MFHAS1: variants seen among roughly 807,000 people sequenced by gnomAD.
MFHAS1 encodes malignant fibrous histiocytoma-amplified sequence 1.
MFHAS1 carries 50 observed loss-of-function variants against 70.4 expected under a neutral mutation model. The observed-to-expected ratio is 0.71, with a 90% CI of 0.57 to 0.90. MFHAS1 has a LOEUF of 0.90. Among genes scored for constraint, MFHAS1 ranks in the 40% least tolerant of loss-of-function variants. The pLI is 0.00. For missense variants in MFHAS1, 1,795 were observed against 1,347.6 expected (o/e 1.33, Z -5.20); for synonymous variants, 952 against 620.0 (o/e 1.54, Z -7.96).
chr8:8,863,569 T>C (rs1808744904), intron 1 of MFHAS1, among the ~76,000 whole-genome samples: 1 of 152,252 alleles, frequency 6.6e-6, no homozygotes, highest in Admixed American at 6.5e-5. Context: ...CCGTGGTCTC[T>C]AGTCCTTAGA....
At chr8:8,849,499 G>A (rs1808161790) in intron 1 of MFHAS1, among the ~76,000 whole-genome samples, 1 of 152,196 alleles carries the variant, frequency 6.6e-6, no homozygotes, top group Non-Finnish European at 1.5e-5. Context: ...ACTTACACGT[G>A]TGTGTATTCT....
chr8:8,867,662 A>C (rs1377770634), intron 1 of MFHAS1, among the ~76,000 whole-genome samples: 1 of 151,098 alleles, frequency 6.6e-6, no homozygotes, highest in African/African-American at 2.4e-5. Context: ...GGTTCATGCC[A>C]TTCTCCTGCC....
rs935471094 is a variant in MFHAS1, at chr8:8,847,203, C to G, written c.2998+42858G>C. Among the ~76,000 whole-genome samples, 10 of 152,172 alleles carry G rather than the reference C, an allele frequency of 6.6e-5. No homozygotes were observed. The South Asian group carries it at 1.7e-3, about 25-fold the overall frequency. On this transcript the variant is annotated intron_variant, in intron 1 of 2. Coordinates refer to ENST00000276282, the MANE Select transcript of MFHAS1 (RefSeq NM_004225.3). ...ATTTTTTGTTTTTTTTCTTTTGAGACAGAGTTTTGCTCTTGTCATCCAGGC... is the reference window on the plus strand; with the variant it reads ...ATTTTTTGTTTTTTTTCTTTTGAGAGAGAGTTTTGCTCTTGTCATCCAGGC...
At chr8:8,824,502 C>A (rs1807080331) in intron 1 of MFHAS1, among the ~76,000 whole-genome samples, 2 of 137,750 alleles carry the variant, frequency 1.5e-5, no homozygotes, top group African/African-American at 5.4e-5. Flanking sequence ...CAATGAAAGT[C>A]TTTCTCTTTC....
At chr8:8,864,206 A>G (rs552725694) in intron 1 of MFHAS1, among the ~76,000 whole-genome samples, 4 of 152,214 alleles carry the variant, frequency 2.6e-5, no homozygotes, top group Non-Finnish European at 5.9e-5. Context: ...AGCAGGACCT[A>G]AACCAAATCT....
chr8:8,850,693 C>T (rs185110402), intron 1 of MFHAS1, among the ~76,000 whole-genome samples: 7 of 151,930 alleles, frequency 4.6e-5, no homozygotes, highest in Admixed American at 3.3e-4. Context: ...AAATTAGCCT[C>T]GCTTGGTGGC....
rs750109532 is a variant in MFHAS1 at position 8,891,769 on chromosome 8, G to A, written c.1290C>T (p.Thr430=). The A allele has an allele frequency of 2.5e-6, 4 of 1,613,196 alleles. No homozygotes were observed. In the African/African-American group the frequency reaches 4.0e-5, roughly 16 times the overall value. Residue 430 remains threonine (T), a synonymous_variant, in exon 1 of 3, where the codon ACC becomes ACT. Coordinates refer to ENST00000276282, the MANE Select transcript of MFHAS1 (RefSeq NM_004225.3). The surrounding 1 kb of genome is among the most constrained non-coding windows in gnomAD (Gnocchi z 5.4). The part of the protein sequence containing the change: ...AGKTLLRHCL[T]EERVEGCPGG... The stretch of plus-strand genomic sequence containing the variant: ...CTGGGCATCCCTCCACTCTCTCCTC[G>A]GTGAGGCAGTGGCGCAGCAAAGTCT...
chr8:8,892,330 G>C lies in MFHAS1; in HGVS notation c.729C>G (p.Pro243=). The change falls in exon 1 of 3, where the codon CCC becomes CCG. Residue 243 remains proline (P), a synonymous_variant. Transcript: ENST00000276282. The surrounding 1 kb of genome is among the most constrained non-coding windows in gnomAD (Gnocchi z 4.7). ...WLSGAELGTL[P]AGFCELASLE... ...AACTGGCCAGCTCGCAGAAGCCGGC[G>C]GGCAGCGTGCCAAGCTCGGCCCCAC... 1 of 1,612,122 alleles carries C rather than the reference G, an allele frequency of 6.2e-7. No homozygotes were observed. Among genetic ancestry groups the C allele is most frequent in the Non-Finnish European group, 8.5e-7 (1 of 1,180,000 alleles).
intron 1 of MFHAS1, among the ~76,000 whole-genome samples, chr8:8,819,500 G>T (rs1447034004): frequency 6.6e-6 from 1 of 151,726 alleles, no homozygotes; most frequent in Non-Finnish European, 1.5e-5. Flanking sequence ...AGCTACTCGG[G>T]AGGCTGAGGC....
intron 1 of MFHAS1, among the ~76,000 whole-genome samples, chr8:8,879,405 G>T (rs60965369): frequency 0.12 from 18,641 of 152,112 alleles, 1,410 homozygotes; most frequent in East Asian, 0.22. Context: ...CCTTGGAAAG[G>T]CTGATTCGTT....
chr8:8,787,642 A>G (rs1250175669), intron 2 of MFHAS1, among the ~76,000 whole-genome samples: 1 of 152,244 alleles, frequency 6.6e-6, no homozygotes, highest in African/African-American at 2.4e-5. Flanking sequence ...AACTAATAAT[A>G]TAATCAATCT....
chr8:8,820,009 T>G (rs1388650464), intron 1 of MFHAS1, among the ~76,000 whole-genome samples: 1 of 152,146 alleles, frequency 6.6e-6, no homozygotes, highest in Non-Finnish European at 1.5e-5. Context: ...ATACAGACTA[T>G]CTATGAAACA....
chr8:8,787,127 C>T (rs541389130), intron 2 of MFHAS1, among the ~76,000 whole-genome samples: 3 of 150,720 alleles, frequency 2.0e-5, no homozygotes, highest in Non-Finnish European at 4.4e-5. Flanking sequence ...GTTGCCCAGG[C>T]TGGAGTGCAG....
At chr8:8,825,097 G>C (rs533252423) in intron 1 of MFHAS1, among the ~76,000 whole-genome samples, 4 of 152,318 alleles carry the variant, frequency 2.6e-5, no homozygotes, top group Non-Finnish European at 5.9e-5. Flanking sequence ...AAGTGTAAAG[G>C]GACAGAAGAC....
intron 1 of MFHAS1, among the ~76,000 whole-genome samples, chr8:8,803,339 A>AC (rs906338189): frequency 1.3e-5 from 2 of 151,450 alleles, no homozygotes; most frequent in Non-Finnish European, 2.9e-5. Context: ...ACATGGTGAA[A>AC]CCCCCATTCT....
At chr8:8,862,995 C>T (rs963178941) in intron 1 of MFHAS1, among the ~76,000 whole-genome samples, 75 of 152,264 alleles carry the variant, frequency 4.9e-4, no homozygotes, top group African/African-American at 1.4e-3. Flanking sequence ...ACATTTAGAT[C>T]GATTACCCAT....
At chr8:8,827,202 T>C (rs181189376) in intron 1 of MFHAS1, among the ~76,000 whole-genome samples, 12 of 152,382 alleles carry the variant, frequency 7.9e-5, no homozygotes, top group South Asian at 6.2e-4. Context: ...CAGATGGTCA[T>C]ATAAGCTACC....
At chr8:8,878,602 G>A (rs1003803624) in intron 1 of MFHAS1, among the ~76,000 whole-genome samples, 2 of 151,318 alleles carry the variant, frequency 1.3e-5, no homozygotes, top group Non-Finnish European at 1.5e-5. Flanking sequence ...GCACCCAGGC[G>A]AAATATTTTT....
chr8:8,787,734 G>A (rs995302919), intron 2 of MFHAS1, among the ~76,000 whole-genome samples: 9 of 152,172 alleles, frequency 5.9e-5, no homozygotes, highest in Admixed American at 5.2e-4. Context: ...GGGTTCACGT[G>A]GGAGATGTGT....
Sources: allele counts gnomAD v4.1 joint callset (sites outside exome capture counted in the v4.1 genomes callset), GRCh38; gene constraint gnomAD v4.1.1; non-coding constraint Gnocchi (gnomAD v3.1); transcripts MANE v1.5; gene names NCBI Gene and HGNC (gene_info 2026-07-23, HGNC 2026-07-21).